Variants in NIPBL observed in about 807,000 individuals in gnomAD.
The protein encoded by NIPBL is NIPBL cohesin loading factor.
A neutral mutation model predicts 321.8 loss-of-function variants in NIPBL; 19 were observed. The observed-to-expected ratio is 0.06, with a 90% confidence interval of 0.04 to 0.09. The LOEUF is 0.09. Among genes scored for constraint, NIPBL ranks in the 10% least tolerant of loss-of-function variants. The pLI, the probability that NIPBL is intolerant of heterozygous loss-of-function variation, is 1.00. For missense variants in NIPBL, 2,210 were observed against 3,327.0 expected, an observed-to-expected ratio of 0.66 and a Z score of 8.26; for synonymous variants, 1,106 against 1,114.1, an observed-to-expected ratio of 0.99 and a Z score of 0.14.
At chr5:37,052,302 A>T in intron 41 of NIPBL, 64 bp from the exon 42 acceptor site, 1 of 1,259,464 alleles carries the variant, frequency 7.9e-7, no homozygotes, top group Non-Finnish European at 1.2e-6. Context: ...GTAATGCTCT[A>T]AGTATATTTT....
intron 1 of NIPBL, among the ~76,000 whole-genome samples, chr5:36,918,347 A>G (rs536714832): frequency 1.3e-5 from 2 of 152,012 alleles, no homozygotes; most frequent in Non-Finnish European, 2.9e-5. Flanking sequence ...GTGTTTAAGA[A>G]TGCTTGTGAT....
At chr5:37,052,098 C>T (rs940261783) in intron 41 of NIPBL, among the ~76,000 whole-genome samples, 3 of 152,008 alleles carry the variant, frequency 2.0e-5, no homozygotes, top group African/African-American at 7.2e-5. Context: ...GCACACCAGA[C>T]TAAAAATCAG....
At chr5:37,045,149 C>T (rs371508181) in intron 36 of NIPBL, among the ~76,000 whole-genome samples, 4 of 152,084 alleles carry the variant, frequency 2.6e-5, no homozygotes, top group East Asian at 3.9e-4. Flanking sequence ...GTCGGGAGTT[C>T]GAGATCAGCC....
chr5:36,977,602 CTT>C (rs879884531), intron 9 of NIPBL, among the ~76,000 whole-genome samples: 4 of 131,584 alleles, frequency 3.0e-5, no homozygotes, highest in Admixed American at 7.5e-5. Flanking sequence ...TTTTCTTTGT[CTT>C]TTTTTTTTTT....
chr5:37,025,490 A>G (rs1298240915), intron 30 of NIPBL, among the ~76,000 whole-genome samples: 1 of 152,178 alleles, frequency 6.6e-6, no homozygotes, highest in South Asian at 2.1e-4. Flanking sequence ...TAGAGAATAG[A>G]AAGATGGTTA....
At chr5:36,930,910 C>G (rs1749727736) in intron 1 of NIPBL, among the ~76,000 whole-genome samples, 1 of 152,008 alleles carries the variant, frequency 6.6e-6, no homozygotes, top group African/African-American at 2.4e-5. Flanking sequence ...AATGTGTAGT[C>G]ATTTTTATAT....
intron 19 of NIPBL, 50 bp from the exon 20 acceptor site, chr5:37,008,573 G>A: frequency 1.0e-6 from 1 of 954,584 alleles, no homozygotes; most frequent in Non-Finnish European, 1.7e-6. Flanking sequence ...TTATTTTTTG[G>A]TTTGTTTTCT....
rs1240957048 is a variant in NIPBL at position 36,881,374 on chromosome 5, A to AT, written c.-80+4203dup. Among the ~76,000 whole-genome samples the AT allele has an allele frequency of 5.3e-5, 8 of 151,332 alleles. No homozygotes were observed. In the South Asian group the frequency reaches 1.5e-3, roughly 28 times the overall value. The stretch of plus-strand genomic sequence containing the variant: ...CAAGTTGCATTATGTTTTAAGGCAT[A>AT]TTTTTTTCTATTCCCAAAGTTATAT... On this transcript the variant is annotated intron_variant, in intron 1 of 46. Transcript: ENST00000282516.
chr5:36,921,737 A>C (rs245589), intron 1 of NIPBL, among the ~76,000 whole-genome samples: 150,957 of 152,246 alleles, frequency 0.99, 74,922 homozygotes, highest in Middle Eastern at 1. Flanking sequence ...TGAATGGGAC[A>C]AACACAGAAT....
chr5:36,920,430 A>G (rs528298697), intron 1 of NIPBL, among the ~76,000 whole-genome samples: 50 of 152,326 alleles, frequency 3.3e-4, no homozygotes, highest in African/African-American at 1.1e-3. Flanking sequence ...GTGACTCTCA[A>G]CTTTTGATAT....
At chr5:37,023,010 C>T (rs2149700044) in intron 29 of NIPBL, among the ~76,000 whole-genome samples, 1 of 152,286 alleles carries the variant, frequency 6.6e-6, no homozygotes, top group Non-Finnish European at 1.5e-5. Flanking sequence ...TCCACACTAC[C>T]CATTGCAGGC....
Position 36,876,840 on chromosome 5 carries a change from C to T in NIPBL, c.-418C>T, listed in dbSNP as rs1193406828. 7.8e-6 allele frequency: 3 copies of T among 384,336 alleles called. No individual in the cohort carries two copies. Among genetic ancestry groups the T allele is most frequent in the Admixed American group, 4.5e-5 (1 of 22,092 alleles). 23.8% of individuals were successfully genotyped at this position (384,336 alleles called of 1,614,324 possible). A position where few individuals can be genotyped will look rare whatever the true frequency, so the allele number is the denominator to read the frequency against. ...GGGCTCCTTCCCCCCGCCCTCCCCC[C>T]CCTCCCTCCGTCGGTACCGACTCAC... is the stretch of plus-strand genomic sequence containing the variant. On this transcript the variant is annotated 5_prime_UTR_variant, in exon 1 of 47. Coordinates refer to ENST00000282516, the MANE Select transcript of NIPBL (RefSeq NM_133433.4).
chr5:37,021,914 A>G, intron 27 of NIPBL, 137 bp from the exon 28 acceptor site: 1 of 716,134 alleles, frequency 1.4e-6, no homozygotes, highest in East Asian at 2.7e-5. Context: ...ATCATTAGGA[A>G]AGATCCTTTA....
At chr5:36,993,301 A>T (rs1259562526) in intron 10 of NIPBL, among the ~76,000 whole-genome samples, 1 of 152,196 alleles carries the variant, frequency 6.6e-6, no homozygotes, top group African/African-American at 2.4e-5. Context: ...TAAACTTTCA[A>T]AGTTTTACAG....
At chr5:37,024,280 G>C (rs967085494) in intron 29 of NIPBL, among the ~76,000 whole-genome samples, 1 of 152,080 alleles carries the variant, frequency 6.6e-6, no homozygotes, top group African/African-American at 2.4e-5. Flanking sequence ...TTAAGTGCCA[G>C]ACACTATTCT....
chr5:36,880,967 A>G (rs1227083480), intron 1 of NIPBL, among the ~76,000 whole-genome samples: 1 of 152,006 alleles, frequency 6.6e-6, no homozygotes, highest in Non-Finnish European at 1.5e-5. Context: ...TTCTTAGATT[A>G]TGTTGCTTTA....
intron 24 of NIPBL, among the ~76,000 whole-genome samples, chr5:37,017,466 A>G (rs539915888): frequency 1.3e-5 from 2 of 152,162 alleles, no homozygotes; most frequent in African/African-American, 2.4e-5. Flanking sequence ...AATTTACTGA[A>G]TGGTGATTTA....
At chr5:36,962,645 C>A (rs1184855077) in intron 6 of NIPBL, among the ~76,000 whole-genome samples, 1 of 152,146 alleles carries the variant, frequency 6.6e-6, no homozygotes, top group Non-Finnish European at 1.5e-5. Context: ...GTCAGCCTTT[C>A]ACATACATGG....
At chr5:36,958,269 G>GAT (rs918998996) in intron 4 of NIPBL, 38 bp downstream of exon 4, 2 of 1,604,274 alleles carry the variant, frequency 1.2e-6, no homozygotes, top group African/African-American at 2.7e-5. Context: ...TATCAAACTT[G>GAT]TTTTATACAT....
Sources: allele counts gnomAD v4.1 joint callset (sites outside exome capture counted in the v4.1 genomes callset), GRCh38; gene constraint gnomAD v4.1.1; transcripts MANE v1.5; gene names NCBI Gene and HGNC (gene_info 2026-07-23, HGNC 2026-07-21).